The following ZNF506 variants were observed in gnomAD, a reference collection of about 807,000 sequenced individuals.
The protein encoded by ZNF506 is zinc finger protein 506.
In ZNF506, 10 loss-of-function variants were observed where a neutral mutation model predicts 11.6. The ratio of observed to expected loss-of-function variants is 0.86; its 90% CI spans 0.53 to 1.46. ZNF506 has a LOEUF of 1.46. Ranked by LOEUF, ZNF506 falls within the 40% of genes most tolerant of loss-of-function variation. The pLI is 0.00. For synonymous variants in ZNF506, 156 were observed against 173.3 expected (o/e 0.90, Z 0.78); for missense variants, 425 against 521.2 (o/e 0.82, Z 1.80).
chr19:19,809,128 T>C (rs898808340), intron 1 of ZNF506, among the ~76,000 whole-genome samples: 1 of 152,154 alleles, frequency 6.6e-6, no homozygotes, highest in Non-Finnish European at 1.5e-5. Context: ...TTTTACCCAA[T>C]AGAAATCTTG....
Position 19,793,222 on chromosome 19 carries a change from T to C in ZNF506, c.*1330A>G, listed in dbSNP as rs936311714. ...AAAAACAGCTTTAGTTGTGGATTCA[T>C]TTTTATACTCAATACTCTGATTTAG... is the stretch of plus-strand genomic sequence containing the variant. On this transcript the variant is annotated 3_prime_UTR_variant, in exon 4 of 4. Transcript: ENST00000540806. Among the ~76,000 whole-genome samples the C allele has an allele frequency of 4.6e-5, 7 of 152,202 alleles. No individual in the cohort carries two copies. The highest frequency in any genetic ancestry group is 1.0e-4 in the Non-Finnish European group (7 of 68,026).
At position 19,793,122 on chromosome 19, in the gene ZNF506, AT is replaced by A. The variant is rs59824435; in HGVS notation, c.*1429del. On this transcript the variant is annotated 3_prime_UTR_variant, in exon 4 of 4. Transcript: ENST00000540806. The stretch of plus-strand genomic sequence containing the variant: ...TTACATCATTATTCACTGTTCAAAA[AT>A]TTTTTTCAAGAAACAAGTACACTTT... Among the ~76,000 whole-genome samples, 3,207 of 152,164 alleles carry A rather than the reference AT, an allele frequency of 0.021. 109 individuals are homozygous for A. Among genetic ancestry groups the A allele is most frequent in the African/African-American group, 0.072 (2,993 of 41,524 alleles).
chr19:19,804,937 GTGGGGGGA>G (rs1192942040), intron 3 of ZNF506, among the ~76,000 whole-genome samples: 1 of 151,944 alleles, frequency 6.6e-6, no homozygotes, highest in African/African-American at 2.4e-5. Flanking sequence ...CTGTCATGGG[GTGGGGGGA>G]TGGGGGAGGG....
At chr19:19,796,508 A>G (rs1191498016) in intron 3 of ZNF506, 3 of 151,838 alleles carry the variant, frequency 2.0e-5, no homozygotes, top group Non-Finnish European at 4.4e-5. Context: ...GGTTCACGCC[A>G]TTCTCCTGCC....
chr19:19,800,282 G>A (rs1250765033), intron 3 of ZNF506, among the ~76,000 whole-genome samples: 4 of 151,594 alleles, frequency 2.6e-5, no homozygotes, highest in Non-Finnish European at 5.9e-5. Flanking sequence ...GCTAGGAAAT[G>A]TGAAGAATTG....
In ZNF506 at chr19:19,799,515, A is replaced by G. The variant is rs2062772714; in HGVS notation, c.227-3855T>C. The G allele has an allele frequency of 7.9e-6, 5 of 631,010 alleles. No homozygotes were observed. In the South Asian group the frequency reaches 9.2e-5, roughly 12 times the overall value. The allele number at this position is 631,010 out of a possible 1,614,324, so 39.1% of individuals were successfully genotyped here. A position where few individuals can be genotyped will look rare whatever the true frequency, so the allele number is the denominator to read the frequency against. ...ACTAAAATTTCATAGATTACTTTCT[A>G]TGACAAAAATGGAATTAGAGTATAA... On this transcript the variant is annotated intron_variant, in intron 3 of 3. Coordinates refer to ENST00000540806, the MANE Select transcript of ZNF506 (RefSeq NM_001099269.3).
Position 19,795,363 on chromosome 19 carries a change from C to T in ZNF506, c.524G>A (p.Cys175Tyr). ...IRDTGKKSFK[C>Y]IEYGKTFNQS... ...GTTAAAAGTTTTCCCATATTCTATA[C>T]ATTTAAAAGATTTTTTTCCAGTATC... is the stretch of plus-strand genomic sequence containing the variant. Residue 175 changes from cysteine to tyrosine, a missense_variant, in exon 4 of 4, where the codon TGT becomes TAT. By Grantham distance (194) the Cys-to-Tyr change is radical. Around this residue, in one of 3 missense-constraint regions of ZNF506, gnomAD observed 226 missense variants for 279.1 expected, o/e 0.81. Transcript: ENST00000540806. The T allele has an allele frequency of 6.2e-7, 1 of 1,608,892 alleles. No individual in the cohort carries two copies. Among genetic ancestry groups the T allele is most frequent in the African/African-American group, 1.3e-5 (1 of 74,746 alleles).
At chr19:19,798,492 CAA>C (rs11329595) in intron 3 of ZNF506, 20 of 139,634 alleles carry the variant, frequency 1.4e-4, no homozygotes, top group South Asian at 2.3e-4. Flanking sequence ...ATTAAAAATA[CAA>C]AAAAAAAAAA....
At chr19:19,798,722 A>G (rs1053196272) in intron 3 of ZNF506, 1 of 151,390 alleles carries the variant, frequency 6.6e-6, no homozygotes, top group Non-Finnish European at 1.5e-5. Flanking sequence ...AAAAAAGCTC[A>G]AAGCATGTCA....
chr19:19,810,236 C>G (rs1312533966), intron 1 of ZNF506, among the ~76,000 whole-genome samples: 1 of 152,206 alleles, frequency 6.6e-6, no homozygotes, highest in Non-Finnish European at 1.5e-5. Context: ...ACACTCAGCA[C>G]TCTTGTCACA....
In ZNF506 at chr19:19,794,475, A is replaced by G; in HGVS notation, c.*77T>C. On this transcript the variant is annotated 3_prime_UTR_variant, in exon 4 of 4. Coordinates refer to ENST00000540806, the MANE Select transcript of ZNF506 (RefSeq NM_001099269.3). ...GGGTTTATGTTCCATATAAATTCTC[A>G]TATTTAGTCAGAGTCCAGGGCTAGT... The G allele has an allele frequency of 2.2e-6, 3 of 1,375,000 alleles. No homozygotes were observed. The highest frequency in any genetic ancestry group is 3.0e-6 in the Non-Finnish European group (3 of 1,007,792). 85.2% of individuals were successfully genotyped at this position (1,375,000 alleles called of 1,614,324 possible). A position where few individuals can be genotyped will look rare whatever the true frequency, so the allele number is the denominator to read the frequency against.
rs764447747 is a variant in ZNF506, at chr19:19,806,983, C to A, written c.89G>T (p.Arg30Met). 6.2e-7 allele frequency: 1 copy of A among 1,613,844 alleles called. No homozygotes were observed. Residue 30 changes from arginine (R) to methionine (M), a missense_variant, in exon 2 of 4, where the codon AGG becomes ATG. Physicochemically the swap from Arg to Met is moderately conservative, Grantham distance 91 (BLOSUM62 -1). Around this residue, in one of 3 missense-constraint regions of ZNF506, gnomAD observed 226 missense variants for 279.1 expected, o/e 0.81. Transcript: ENST00000540806. Reference sequence around the variant, plus strand: ...TCTGTAGTTCTCTAACATCACATCCCTATATAGATTCCGCTGTGCAGCGTC... The same window carrying A: ...TCTGTAGTTCTCTAACATCACATCCATATATAGATTCCGCTGTGCAGCGTC... ...CLDAAQRNLYRDVMLENYRNL... is the reference protein window; with the variant it reads ...CLDAAQRNLYMDVMLENYRNL...
Position 19,795,055 on chromosome 19 carries a change from T to C in ZNF506, c.832A>G (p.Ile278Val). 6.2e-7 allele frequency: 1 copy of C among 1,613,854 alleles called. No individual in the cohort carries two copies. Among genetic ancestry groups the C allele is most frequent in the Non-Finnish European group, 8.5e-7 (1 of 1,179,928 alleles). Reference protein sequence around the residue: ...HPATLFSHKKIHTGEKPYKCD... With the variant: ...HPATLFSHKKVHTGEKPYKCD... ...TTGTATGGTTTCTCTCCAGTATGAATTTTCTTATGTGAAAAAAGGGTTGCA... is the reference window on the plus strand; with the variant it reads ...TTGTATGGTTTCTCTCCAGTATGAACTTTCTTATGTGAAAAAAGGGTTGCA... The change falls in exon 4 of 4, where the codon ATT becomes GTT. Residue 278 changes from isoleucine to valine, a missense_variant. Ile to Val is a conservative substitution (Grantham distance 29). Transcript: ENST00000540806.
chr19:19,801,845 CAAT>C (rs781503145), intron 3 of ZNF506, among the ~76,000 whole-genome samples: 19 of 151,106 alleles, frequency 1.3e-4, no homozygotes, highest in East Asian at 3.9e-4. Context: ...AACTTCAAAA[CAAT>C]AATAAGAGAA....
Position 19,808,108 on chromosome 19 carries a change from C to CTTTTTTTT in ZNF506, c.4-1048_4-1041dup, listed in dbSNP as rs757160026. ...ACTTAACCAAGTGAATCATTAACCACTTTTTTTTTTTTTTTTTTTTTTTTT... is the reference window on the plus strand; with the variant it reads ...ACTTAACCAAGTGAATCATTAACCACTTTTTTTTTTTTTTTTTTTTTTTTTTTTTTTTT... On this transcript the variant is annotated intron_variant, in intron 1 of 3. Transcript: ENST00000540806. Among the ~76,000 whole-genome samples, 494 of 56,768 alleles carry CTTTTTTTT rather than the reference C, an allele frequency of 8.7e-3. 131 individuals are homozygous for CTTTTTTTT. Among genetic ancestry groups the CTTTTTTTT allele is most frequent in the Middle Eastern group, 0.026 (1 of 38 alleles). 37.2% of individuals were successfully genotyped at this position (56,768 alleles called of 152,430 possible).
At chr19:19,807,590 A>G (rs1008455272) in intron 1 of ZNF506, among the ~76,000 whole-genome samples, 5 of 151,864 alleles carry the variant, frequency 3.3e-5, no homozygotes, top group Admixed American at 6.6e-5. Context: ...TACTGGAAAC[A>G]CCGCCTCCTG....
Position 19,809,783 on chromosome 19 carries a change from G to C in ZNF506, c.4-2715C>G, listed in dbSNP as rs536244204. Among the ~76,000 whole-genome samples, 19 of 151,952 alleles carry C rather than the reference G, an allele frequency of 1.3e-4. No homozygotes were observed. The South Asian group carries it at 3.1e-3, about 25-fold the overall frequency. On this transcript the variant is annotated intron_variant, in intron 1 of 3. Coordinates refer to ENST00000540806, the MANE Select transcript of ZNF506 (RefSeq NM_001099269.3). Reference sequence around the variant, plus strand: ...TGCCACACTGACCTGTCCCTACCAAGTCAAAACAGAATAGGCCCTGTGACC... The same window carrying C: ...TGCCACACTGACCTGTCCCTACCAACTCAAAACAGAATAGGCCCTGTGACC...
intron 3 of ZNF506, among the ~76,000 whole-genome samples, chr19:19,799,710 C>G (rs1282564520): frequency 6.6e-6 from 1 of 152,060 alleles, no homozygotes; most frequent in East Asian, 1.9e-4. Flanking sequence ...CAAAAACAAT[C>G]AAAAAGGAAA....
Position 19,795,640 on chromosome 19 carries a change from G to T in ZNF506, c.247C>A (p.Gln83Lys). Residue 83 changes from glutamine (Q) to lysine (K), a missense_variant, in exon 4 of 4, where the codon CAA becomes AAA. Physicochemically the swap from Gln to Lys is moderately conservative, Grantham distance 53 (BLOSUM62 1). Transcript: ENST00000540806. ...ATGCTCTGCTCTGACCAAAGGTCTT[G>T]GGCAAAATGAGAATACATAACTGAA... ...KPPVMYSHFA[Q>K]DLWSEQSIKD... The T allele has an allele frequency of 6.6e-7, 1 of 1,503,802 alleles. No individual in the cohort carries two copies. The highest frequency in any genetic ancestry group is 8.9e-7 in the Non-Finnish European group (1 of 1,129,392). 93.2% of individuals were successfully genotyped at this position (1,503,802 alleles called of 1,614,324 possible).
Sources: allele counts gnomAD v4.1 joint callset (sites outside exome capture counted in the v4.1 genomes callset), GRCh38; gene constraint gnomAD v4.1.1; regional missense constraint gnomAD v4.1.1; transcripts MANE v1.5; gene names NCBI Gene and HGNC (gene_info 2026-07-23, HGNC 2026-07-21).